Variants in FAM161A observed in about 807,000 individuals in gnomAD.
The protein encoded by FAM161A is protein FAM161A.
FAM161A carries 57 observed loss-of-function variants against 70.9 expected under a neutral mutation model. That is an observed-to-expected ratio of 0.80 (90% confidence interval 0.65 to 1.00). The LOEUF (loss-of-function observed/expected upper bound fraction) is 1.00. Ranked by LOEUF, FAM161A falls within the 50% of genes least tolerant of loss-of-function variation. The pLI, the probability that FAM161A is intolerant of heterozygous loss-of-function variation, is 0.00. For missense variants in FAM161A, 880 were observed against 836.0 expected (o/e 1.05, Z -0.65); for synonymous variants, 299 against 295.7 (o/e 1.01, Z -0.12).
At chr2:61,839,325 C>A (rs1221479451) in intron 3 of FAM161A, 96 bp downstream of exon 3, 7 of 1,047,280 alleles carry the variant, frequency 6.7e-6, no homozygotes, top group Non-Finnish European at 8.9e-6. Flanking sequence ...ATAATAATTT[C>A]TAAGTATTTT....
intron 1 of FAM161A, among the ~76,000 whole-genome samples, chr2:61,850,095 C>T (rs1462294781): frequency 1.3e-5 from 2 of 151,978 alleles, no homozygotes; most frequent in Non-Finnish European, 2.9e-5. Flanking sequence ...TCTAAAATAA[C>T]AGGTGAATTT....
intron 5 of FAM161A, among the ~76,000 whole-genome samples, chr2:61,830,364 A>G (rs1001587661): frequency 3.9e-5 from 6 of 152,014 alleles, no homozygotes; most frequent in African/African-American, 1.4e-4. Context: ...ATGGGGAGGA[A>G]CTGGGTACAC....
chr2:61,848,391 T>C (rs1216117375), intron 1 of FAM161A, among the ~76,000 whole-genome samples: 1 of 152,162 alleles, frequency 6.6e-6, no homozygotes. Context: ...TGACCTCCAA[T>C]TCTAATTTAA....
the FAM161A span, among the ~76,000 whole-genome samples, chr2:61,809,165 G>A: frequency 2.0e-5 from 3 of 152,164 alleles, no homozygotes; most frequent in South Asian, 4.2e-4. Context: ...GAGCCACCGC[G>A]CCCCGCCTAG....
chr2:61,803,016 C>A, the FAM161A span: 2 of 196,888 alleles, frequency 1.0e-5, no homozygotes, highest in African/African-American at 4.7e-5. Context: ...TCTATAGAAA[C>A]TAAAGATAAC....
rs191942490 is a variant in FAM161A at position 61,850,256 on chromosome 2, C to T, written c.183+3603G>A. Among the ~76,000 whole-genome samples, 178 of 152,052 alleles carry T rather than the reference C, an allele frequency of 1.2e-3. 2 individuals are homozygous for T. Among genetic ancestry groups the T allele is most frequent in the African/African-American group, 3.9e-3 (160 of 41,468 alleles). On this transcript the variant is annotated intron_variant, in intron 1 of 6. Transcript: ENST00000404929. ...TACTAAAAATACAAAATTAGCCGGG[C>T]GTGGTGGCACACGCCTGTAATCCCA...
At chr2:61,844,137 T>C (rs563315344) in intron 1 of FAM161A, among the ~76,000 whole-genome samples, 8 of 151,922 alleles carry the variant, frequency 5.3e-5, no homozygotes, top group South Asian at 2.1e-4. Context: ...AGCGAGACTC[T>C]GTCTCCAAAA....
chr2:61,813,977 G>C, the FAM161A span, among the ~76,000 whole-genome samples: 1 of 152,172 alleles, frequency 6.6e-6, no homozygotes, highest in Non-Finnish European at 1.5e-5. Flanking sequence ...TGAGCTAGCA[G>C]TGTGTATGAG....
the FAM161A span, among the ~76,000 whole-genome samples, chr2:61,819,170 C>G: frequency 2.0e-5 from 3 of 152,144 alleles, no homozygotes; most frequent in Non-Finnish European, 4.4e-5. Context: ...GCTGTCTAGA[C>G]AAAAAGAGAC....
downstream of FAM161A, chr2:61,820,562 G>C: frequency 1.4e-6 from 1 of 738,228 alleles, no homozygotes; most frequent in Non-Finnish European, 2.5e-6. Context: ...CATCACCTAA[G>C]AGACAGTAGG....
chr2:61,812,099 A>C, the FAM161A span, among the ~76,000 whole-genome samples: 1 of 152,100 alleles, frequency 6.6e-6, no homozygotes, highest in South Asian at 2.1e-4. Context: ...CTTGACTCAA[A>C]TGTCCGCTTA....
At chr2:61,816,986 C>T in the FAM161A span, among the ~76,000 whole-genome samples, 1 of 152,154 alleles carries the variant, frequency 6.6e-6, no homozygotes, top group African/African-American at 2.4e-5. Flanking sequence ...GCTCCATTTG[C>T]TGCAGAAAGA....
chr2:61,827,301 T>C, intron 5 of FAM161A, 43 bp from the exon 6 acceptor site: 1 of 1,599,490 alleles, frequency 6.3e-7, no homozygotes, highest in Non-Finnish European at 8.5e-7. Context: ...CAGAAGACTT[T>C]AAATTTTCAT....
At chr2:61,810,680 G>A in the FAM161A span, among the ~76,000 whole-genome samples, 19 of 151,552 alleles carry the variant, frequency 1.3e-4, no homozygotes, top group Admixed American at 6.6e-5. Context: ...GGCTTGTCTC[G>A]AACTCCCGAC....
At chr2:61,800,521 G>A in the FAM161A span, among the ~76,000 whole-genome samples, 1 of 152,228 alleles carries the variant, frequency 6.6e-6, no homozygotes, top group African/African-American at 2.4e-5. Context: ...ATCAAGCATC[G>A]TGTCCATGAG....
At chr2:61,831,666 G>C (rs529864802) in intron 5 of FAM161A, among the ~76,000 whole-genome samples, 1 of 152,284 alleles carries the variant, frequency 6.6e-6, no homozygotes, top group Non-Finnish European at 1.5e-5. Context: ...TATCATCTAA[G>C]CCTCAAGATG....
intron 5 of FAM161A, among the ~76,000 whole-genome samples, chr2:61,831,151 C>T (rs1672561582): frequency 6.6e-6 from 1 of 151,314 alleles, no homozygotes; most frequent in Non-Finnish European, 1.5e-5. Context: ...AGACAAACAG[C>T]ACTATAATAA....
chr2:61,839,898 G>C lies in FAM161A; in HGVS notation c.1106C>G (p.Thr369Ser), dbSNP rs767632528. The change falls in exon 3 of 7, where the codon ACC (threonine) becomes AGC (serine). Residue 369 changes from threonine to serine, a missense_variant. Coordinates refer to ENST00000404929, the MANE Select transcript of FAM161A (RefSeq NM_001201543.2). ...CTCTTCTTCTTTTAACTTGTCATTG[G>C]TAGTTGAACCATAAGTAGATCGAGG... ...PIPRSTYGST[T>S]NDKLKEEELY... is the part of the protein sequence containing the mutation. 4.3e-6 allele frequency: 7 copies of C among 1,614,158 alleles called. No homozygotes were observed. The South Asian group carries it at 7.7e-5, about 18-fold the overall frequency.
the FAM161A span, among the ~76,000 whole-genome samples, chr2:61,817,682 A>G: frequency 3.5e-4 from 53 of 152,330 alleles, 1 homozygote; most frequent in African/African-American, 1.2e-3. Flanking sequence ...ACAAAGAAAC[A>G]TAGGCCAGGT....
Sources: allele counts gnomAD v4.1 joint callset (sites outside exome capture counted in the v4.1 genomes callset), GRCh38; gene constraint gnomAD v4.1.1; transcripts MANE v1.5; gene names NCBI Gene and HGNC (gene_info 2026-07-23, HGNC 2026-07-21).